The following MRPS35 variants were observed in gnomAD, a reference collection of about 807,000 sequenced individuals.
The protein encoded by MRPS35 is mitochondrial ribosomal protein S35.
A neutral mutation model predicts 32.7 loss-of-function variants in MRPS35; 29 were observed. The observed-to-expected ratio is 0.89, with a 90% confidence interval of 0.66 to 1.21. The LOEUF (loss-of-function observed/expected upper bound fraction) is 1.21. Ranked by LOEUF, MRPS35 falls within the 50% of genes most tolerant of loss-of-function variation. MRPS35 has a pLI of 0.00. For synonymous variants in MRPS35, 148 were observed against 139.3 expected, an observed-to-expected ratio of 1.06 and a Z score of -0.44; for missense variants, 373 against 383.8, an observed-to-expected ratio of 0.97 and a Z score of 0.23.
intron 5 of MRPS35, among the ~76,000 whole-genome samples, chr12:27,726,464 T>C (rs1025081033): frequency 1.3e-5 from 2 of 152,154 alleles, no homozygotes; most frequent in Non-Finnish European, 2.9e-5. Context: ...CATACAGGTT[T>C]TTGTGTAGAT....
chr12:27,744,752 T>G (rs1357815794), intron 7 of MRPS35, among the ~76,000 whole-genome samples: 1 of 152,216 alleles, frequency 6.6e-6, no homozygotes, highest in Non-Finnish European at 1.5e-5. Flanking sequence ...AATGGTAAAG[T>G]GTAACTACGT....
At chr12:27,742,028 T>C (rs1445052107) in intron 7 of MRPS35, among the ~76,000 whole-genome samples, 1 of 152,182 alleles carries the variant, frequency 6.6e-6, no homozygotes, top group Non-Finnish European at 1.5e-5. Context: ...CTCTGGAGGC[T>C]GGGGCAGGAG....
intron 3 of MRPS35, among the ~76,000 whole-genome samples, chr12:27,717,828 A>G (rs1765007342): frequency 6.6e-6 from 1 of 151,514 alleles, no homozygotes; most frequent in Non-Finnish European, 1.5e-5. Flanking sequence ...CATGCCATTT[A>G]TTTGTAGTAA....
At chr12:27,734,133 TC>T (rs996464661) in intron 5 of MRPS35, among the ~76,000 whole-genome samples, 77 of 152,318 alleles carry the variant, frequency 5.1e-4, no homozygotes, top group African/African-American at 1.8e-3. Flanking sequence ...TAGCTTTTTT[TC>T]TTCTTGATAT....
At chr12:27,720,351 G>A (rs2061868395) in intron 4 of MRPS35, among the ~76,000 whole-genome samples, 3 of 147,288 alleles carry the variant, frequency 2.0e-5, no homozygotes, top group Non-Finnish European at 3.0e-5. Flanking sequence ...TTTAAATCGC[G>A]CCATTGCACT....
intron 5 of MRPS35, among the ~76,000 whole-genome samples, chr12:27,725,135 T>G (rs2061894599): frequency 6.6e-6 from 1 of 152,170 alleles, no homozygotes; most frequent in South Asian, 2.1e-4. Context: ...CAGCTTTTCT[T>G]GAACTCCTGG....
intron 7 of MRPS35, among the ~76,000 whole-genome samples, chr12:27,748,043 G>A (rs1034198625): frequency 6.6e-6 from 1 of 152,106 alleles, no homozygotes; most frequent in African/African-American, 2.4e-5. Flanking sequence ...TACCTGTAAG[G>A]CACTTAGAAT....
chr12:27,749,065 A>C (rs1232765138), intron 7 of MRPS35, among the ~76,000 whole-genome samples: 1 of 152,218 alleles, frequency 6.6e-6, no homozygotes, highest in Non-Finnish European at 1.5e-5. Flanking sequence ...AGGGTTTTAA[A>C]AAACGGATTT....
intron 7 of MRPS35, 68 bp downstream of exon 7, chr12:27,737,676 T>C: frequency 7.8e-7 from 1 of 1,279,082 alleles, no homozygotes; most frequent in Non-Finnish European, 1.1e-6. Context: ...TTCAAAATAC[T>C]CTTTGTGGCA....
rs186472094 is a variant in MRPS35 at position 27,731,832 on chromosome 12, G to A, written c.523-3615G>A. Among the ~76,000 whole-genome samples, 3 of 152,340 alleles carry A rather than the reference G, an allele frequency of 2.0e-5. No homozygotes were observed. The East Asian group carries it at 5.8e-4, about 29-fold the overall frequency. On this transcript the variant is annotated intron_variant, in intron 5 of 7. Transcript: ENST00000081029. ...GTTCCTCCCTCCTTGGCCTCCCAAA[G>A]TGCTGGGATTACAGGTGTGAGCCAC...
At chr12:27,712,542 G>A (rs937215993) in intron 1 of MRPS35, among the ~76,000 whole-genome samples, 1 of 152,184 alleles carries the variant, frequency 6.6e-6, no homozygotes. Context: ...TAGTGGAGAA[G>A]GAGGTGTGGT....
intron 5 of MRPS35, chr12:27,725,536 G>C: frequency 4.7e-6 from 1 of 213,176 alleles, no homozygotes; most frequent in Non-Finnish European, 9.5e-6. Context: ...AAAGGATATA[G>C]CTCTTGAAGT....
intron 4 of MRPS35, among the ~76,000 whole-genome samples, chr12:27,721,112 G>C (rs919956916): frequency 5.9e-5 from 9 of 152,106 alleles, no homozygotes; most frequent in African/African-American, 1.9e-4. Context: ...AGGAGATGTG[G>C]AATAGTAAAC....
chr12:27,723,355 G>A (rs1174353773), intron 4 of MRPS35, among the ~76,000 whole-genome samples: 1 of 152,034 alleles, frequency 6.6e-6, no homozygotes, highest in African/African-American at 2.4e-5. Flanking sequence ...AGTGCTTGGA[G>A]CTCCTGTTGT....
At position 27,755,483 on chromosome 12, in the gene MRPS35, A is replaced by T; in HGVS notation, c.*33A>T. On this transcript the variant is annotated 3_prime_UTR_variant, in exon 8 of 8. Coordinates refer to ENST00000081029, the MANE Select transcript of MRPS35 (RefSeq NM_021821.4). Reference sequence around the variant, plus strand: ...AGTAGAAAAATCTGCTTGATTTATTAATTTTATGATATATGTGATCAGTAT... The same window carrying T: ...AGTAGAAAAATCTGCTTGATTTATTTATTTTATGATATATGTGATCAGTAT... 6.7e-7 allele frequency: 1 copy of T among 1,484,094 alleles called. No homozygotes were observed. The highest frequency in any genetic ancestry group is 9.0e-7 in the Non-Finnish European group (1 of 1,115,786). The allele number at this position is 1,484,094 out of a possible 1,614,324, so 91.9% of individuals were successfully genotyped here. A position where few individuals can be genotyped will look rare whatever the true frequency, so the allele number is the denominator to read the frequency against.
At chr12:27,746,193 C>A (rs1003977418) in intron 7 of MRPS35, among the ~76,000 whole-genome samples, 1 of 152,140 alleles carries the variant, frequency 6.6e-6, no homozygotes, top group Non-Finnish European at 1.5e-5. Flanking sequence ...AATAATTTCT[C>A]CAGTCTTTGA....
chr12:27,752,093 A>AGT (rs1555107922), intron 7 of MRPS35, among the ~76,000 whole-genome samples: 1 of 150,894 alleles, frequency 6.6e-6, no homozygotes, highest in Non-Finnish European at 1.5e-5. Context: ...AAAAAATAAA[A>AGT]TAAAATTAGC....
At chr12:27,743,857 G>C (rs2061972608) in intron 7 of MRPS35, among the ~76,000 whole-genome samples, 1 of 152,168 alleles carries the variant, frequency 6.6e-6, no homozygotes, top group South Asian at 2.1e-4. Context: ...TCGTCTTACT[G>C]TGTCCTCACT....
At chr12:27,711,854 A>G (rs561888267) in intron 1 of MRPS35, among the ~76,000 whole-genome samples, 42 of 55,862 alleles carry the variant, frequency 7.5e-4, no homozygotes, top group Non-Finnish European at 1.7e-3. Context: ...CTGGCTCTTC[A>G]TAGGTCTAAT....
Sources: gnomAD v4.1 joint callset for allele counts (sites outside exome capture counted in the v4.1 genomes callset) on GRCh38, gnomAD v4.1.1 for gene constraint, MANE v1.5 for transcripts, NCBI Gene and HGNC (gene_info 2026-07-23, HGNC 2026-07-21) for gene names.